The following PTPRT variants were observed in gnomAD, a reference collection of about 807,000 sequenced individuals.
The protein encoded by PTPRT is receptor-type tyrosine-protein phosphatase T.
PTPRT carries 56 observed loss-of-function variants against 176.8 expected under a neutral mutation model. The ratio of observed to expected loss-of-function variants is 0.32; its 90% CI spans 0.26 to 0.40. The LOEUF is 0.40. Among genes scored for constraint, PTPRT ranks in the 10% least tolerant of loss-of-function variants. The pLI, the probability that PTPRT is intolerant of heterozygous loss-of-function variation, is 1.00. For missense variants in PTPRT, 1,540 were observed against 1,908.2 expected (o/e 0.81, Z 3.60); for synonymous variants, 783 against 739.0 (o/e 1.06, Z -0.96).
At chr20:42,110,605 G>A (rs1364411253) in intron 22 of PTPRT, 118 bp from the exon 23 acceptor site, 1 of 1,114,966 alleles carries the variant, frequency 9.0e-7, no homozygotes, top group Non-Finnish European at 1.2e-6. Flanking sequence ...GGCCCTCACA[G>A]TGTTTGTTAA....
chr20:42,475,697 G>A (rs1225654456), intron 7 of PTPRT, among the ~76,000 whole-genome samples: 2 of 152,192 alleles, frequency 1.3e-5, no homozygotes, highest in African/African-American at 4.8e-5. Flanking sequence ...GTACAGTGAT[G>A]TAAACACATT....
rs140719351 is a variant in PTPRT, at chr20:42,861,873, C to A, written c.214+23934G>T. On this transcript the variant is annotated intron_variant, in intron 2 of 30. Transcript: ENST00000373187. ...GGTGTGGTTAAAAAAAAACAAAAAA[C>A]CAAAAAAAAACAGACCAGGGTATCA... Among the ~76,000 whole-genome samples, 393 of 151,494 alleles carry A rather than the reference C, an allele frequency of 2.6e-3. 1 individual carries two copies. The highest frequency in any genetic ancestry group is 8.9e-3 in the African/African-American group (366 of 41,262).
chr20:42,270,379 C>CCCGGGGGG (rs2146998979), intron 13 of PTPRT: 4 of 1,541,560 alleles, frequency 2.6e-6, no homozygotes, highest in Non-Finnish European at 3.5e-6. Context: ...CCCACCCGCC[C>CCCGGGGGG]AGGGCTCTGG....
At chr20:43,188,213 G>A (rs1180471680) in intron 1 of PTPRT, among the ~76,000 whole-genome samples, 1 of 151,948 alleles carries the variant, frequency 6.6e-6, no homozygotes, top group Non-Finnish European at 1.5e-5. Context: ...CCCCCAAAAT[G>A]AGGAAAACAA....
chr20:42,648,812 G>C (rs988284762), intron 7 of PTPRT, among the ~76,000 whole-genome samples: 2 of 116,108 alleles, frequency 1.7e-5, no homozygotes, highest in Non-Finnish European at 3.3e-5. Context: ...TTTTTTTTTG[G>C]TGTCGTTGTT....
At chr20:42,356,818 C>T (rs890332391) in intron 9 of PTPRT, among the ~76,000 whole-genome samples, 9 of 152,120 alleles carry the variant, frequency 5.9e-5, no homozygotes, top group African/African-American at 1.2e-4. Context: ...GAGCTGGCCT[C>T]GCTCGTCCTC....
Position 42,666,765 on chromosome 20 carries a change from T to A in PTPRT, c.1153+11101A>T, listed in dbSNP as rs888238567. 2.0e-5 allele frequency among the ~76,000 whole-genome samples: 3 copies of A among 152,362 alleles called. 1 individual carries two copies. Among genetic ancestry groups the A allele is most frequent in the Admixed American group, 2.0e-4 (3 of 15,304 alleles). ...AATTCTTAGCTTACACTTAAGTGTT[T>A]ATACTGTAATTACATTTAAGAATAG... On this transcript the variant is annotated intron_variant, in intron 7 of 30. Transcript: ENST00000373187.
intron 14 of PTPRT, among the ~76,000 whole-genome samples, chr20:42,239,483 C>T (rs893316629): frequency 2.2e-5 from 3 of 139,346 alleles, no homozygotes; most frequent in South Asian, 4.6e-4. Context: ...TGCAGTGGCG[C>T]GTGATCTCGG....
chr20:42,282,300 C>T (rs2057152950), intron 13 of PTPRT, among the ~76,000 whole-genome samples, 189 bp downstream of exon 13: 2 of 152,138 alleles, frequency 1.3e-5, no homozygotes, highest in African/African-American at 4.8e-5. Context: ...TAAACTTTTA[C>T]TCTATTTTAC....
chr20:42,173,953 G>C (rs772278565), intron 16 of PTPRT, among the ~76,000 whole-genome samples: 3 of 152,080 alleles, frequency 2.0e-5, no homozygotes, highest in African/African-American at 4.8e-5. Context: ...CCCATAAATA[G>C]ACATTGAAAT....
intron 15 of PTPRT, among the ~76,000 whole-genome samples, chr20:42,225,848 T>A (rs556546593): frequency 6.6e-6 from 1 of 152,280 alleles, no homozygotes; most frequent in Admixed American, 6.5e-5. Context: ...AGATGGGGTC[T>A]CGCCATGTTG....
intron 1 of PTPRT, among the ~76,000 whole-genome samples, chr20:43,158,573 G>A (rs779114382): frequency 1.4e-4 from 22 of 152,046 alleles, no homozygotes; most frequent in Non-Finnish European, 2.8e-4. Context: ...CATTCTGTTC[G>A]TGCTCCCATC....
intron 2 of PTPRT, among the ~76,000 whole-genome samples, chr20:42,801,357 T>G (rs1394247121): frequency 6.6e-6 from 1 of 152,116 alleles, no homozygotes; most frequent in Non-Finnish European, 1.5e-5. Flanking sequence ...GGAGCTGGCT[T>G]TCTCCCCTGG....
intron 6 of PTPRT, among the ~76,000 whole-genome samples, chr20:42,725,993 C>T (rs2076373306): frequency 6.6e-6 from 1 of 151,826 alleles, no homozygotes; most frequent in East Asian, 1.9e-4. Flanking sequence ...ATCATACCAG[C>T]AAAATCCCTT....
At chr20:42,539,613 C>A (rs1251270335) in intron 7 of PTPRT, among the ~76,000 whole-genome samples, 1 of 149,124 alleles carries the variant, frequency 6.7e-6, no homozygotes, top group Non-Finnish European at 1.5e-5. Context: ...CAGAACAAAG[C>A]AATTTGGAGG....
rs1568678881 is a variant in PTPRT at position 42,916,545 on chromosome 20, C to CA, written c.89-30614_89-30613insT. Among the ~76,000 whole-genome samples, 5 of 152,346 alleles carry CA rather than the reference C, an allele frequency of 3.3e-5. No homozygotes were observed. In the South Asian group the frequency reaches 1.0e-3, roughly 32 times the overall value. On this transcript the variant is annotated intron_variant, in intron 1 of 30. Coordinates refer to ENST00000373187, the MANE Select transcript of PTPRT (RefSeq NM_007050.6). ...GATCCCTGAGGAATCGCCACACTGA[C>CA]TTCCACAATGGTTAAACTAGTTTAC...
At chr20:42,514,351 T>G (rs2145469823) in intron 7 of PTPRT, among the ~76,000 whole-genome samples, 1 of 152,350 alleles carries the variant, frequency 6.6e-6, no homozygotes, top group Non-Finnish European at 1.5e-5. Flanking sequence ...ACTTTTAATA[T>G]CTGTTTCTAA....
chr20:42,851,646 A>T (rs1719409549), intron 2 of PTPRT, among the ~76,000 whole-genome samples: 1 of 152,158 alleles, frequency 6.6e-6, no homozygotes, highest in South Asian at 2.1e-4. Context: ...GTCAGCAAAT[A>T]TTTTTCGTAA....
At chr20:42,065,725 C>T in the PTPRT span, among the ~76,000 whole-genome samples, 1 of 152,222 alleles carries the variant, frequency 6.6e-6, no homozygotes, top group Admixed American at 6.5e-5. Flanking sequence ...AGACTTGTCA[C>T]ATGACTCCAG....
Sources: allele counts gnomAD v4.1 joint callset (sites outside exome capture counted in the v4.1 genomes callset), GRCh38; gene constraint gnomAD v4.1.1; transcripts MANE v1.5; gene names NCBI Gene and HGNC (gene_info 2026-07-23, HGNC 2026-07-21).